The following SEMA6D variants were observed in gnomAD, a reference collection of about 807,000 sequenced individuals.
SEMA6D encodes semaphorin 6D, also known as semaphorin-6D.
Under a neutral mutation model 106.6 loss-of-function variants are expected in SEMA6D, and 35 were observed. The ratio of observed to expected loss-of-function variants is 0.33; its 90% CI spans 0.25 to 0.44. The LOEUF (loss-of-function observed/expected upper bound fraction) is 0.44, where lower values mean the gene tolerates loss of function less well. Among genes scored for constraint, SEMA6D ranks in the 20% least tolerant of loss-of-function variants. SEMA6D has a pLI of 1.00. For synonymous variants in SEMA6D, 499 were observed against 487.7 expected (o/e 1.02, Z -0.31); for missense variants, 1,185 against 1,345.9 (o/e 0.88, Z 1.87).
At chr15:47,209,129 A>G (rs1273565185) in intron 1 of SEMA6D, among the ~76,000 whole-genome samples, 1 of 152,218 alleles carries the variant, frequency 6.6e-6, no homozygotes, top group African/African-American at 2.4e-5. Flanking sequence ...TCAACTATAT[A>G]TAGTATAGTT....
At chr15:47,405,118 C>G (rs757605650) in intron 1 of SEMA6D, among the ~76,000 whole-genome samples, 1 of 152,058 alleles carries the variant, frequency 6.6e-6, no homozygotes, top group African/African-American at 2.4e-5. Flanking sequence ...TCAGGAGATG[C>G]GCCATGTAGC....
intron 3 of SEMA6D, among the ~76,000 whole-genome samples, chr15:47,558,027 T>C (rs569731748): frequency 4.1e-4 from 62 of 152,198 alleles, no homozygotes; most frequent in African/African-American, 1.5e-3. Context: ...ATCAAAACCG[T>C]GTAAAGCAAT....
chr15:47,485,818 C>T (rs1036371663), intron 3 of SEMA6D, among the ~76,000 whole-genome samples: 5 of 152,148 alleles, frequency 3.3e-5, no homozygotes, highest in African/African-American at 9.7e-5. Context: ...TTTGTGAGCA[C>T]TTTCATTAGC....
chr15:47,191,058 C>A (rs1369535482), intron 1 of SEMA6D, among the ~76,000 whole-genome samples: 1 of 151,994 alleles, frequency 6.6e-6, no homozygotes, highest in Non-Finnish European at 1.5e-5. Context: ...CTGTACTCCC[C>A]ACAAGTGGAG....
chr15:47,683,623 A>G lies in SEMA6D; in HGVS notation c.-54-76122A>G, dbSNP rs200270562. Reference sequence around the variant, plus strand: ...ATATATCTTGTCTGCATTTTTTTAGAAAAAAAATCAACCTTGCACATTTTA... The same window carrying G: ...ATATATCTTGTCTGCATTTTTTTAGGAAAAAAATCAACCTTGCACATTTTA... On this transcript the variant is annotated intron_variant, in intron 4 of 19. Coordinates refer to the SEMA6D transcript ENST00000558014. 2.9e-4 allele frequency among the ~76,000 whole-genome samples: 44 copies of G among 152,096 alleles called. No homozygotes were observed. In the South Asian group the frequency reaches 5.8e-3, roughly 20 times the overall value.
chr15:47,203,574 G>C (rs2141107512), intron 1 of SEMA6D, among the ~76,000 whole-genome samples: 1 of 152,184 alleles, frequency 6.6e-6, no homozygotes, highest in Non-Finnish European at 1.5e-5. Context: ...TCCCTATGAA[G>C]AGGTCATTTA....
At chr15:47,646,283 T>C (rs1033216749) in intron 4 of SEMA6D, among the ~76,000 whole-genome samples, 1 of 152,196 alleles carries the variant, frequency 6.6e-6, no homozygotes, top group Admixed American at 6.5e-5. Context: ...TCAACGGTTT[T>C]AGAAGCCGTA....
intron 1 of SEMA6D, among the ~76,000 whole-genome samples, chr15:47,411,170 A>C (rs2040783035): frequency 6.6e-6 from 1 of 152,056 alleles, no homozygotes; most frequent in African/African-American, 2.4e-5. Flanking sequence ...GTCTCGGCTC[A>C]CTGCAACCTC....
At chr15:47,283,514 T>A (rs1286333838) in intron 1 of SEMA6D, among the ~76,000 whole-genome samples, 1 of 152,202 alleles carries the variant, frequency 6.6e-6, no homozygotes, top group Non-Finnish European at 1.5e-5. Context: ...ACTCTCATTT[T>A]CTTTTCCTAC....
At chr15:47,534,439 T>C (rs2045086039) in intron 3 of SEMA6D, among the ~76,000 whole-genome samples, 1 of 152,070 alleles carries the variant, frequency 6.6e-6, no homozygotes, top group African/African-American at 2.4e-5. Flanking sequence ...CACCGCAGCC[T>C]CCCAGAGTGC....
intron 1 of SEMA6D, among the ~76,000 whole-genome samples, chr15:47,744,051 G>A (rs1261144323): frequency 6.6e-6 from 1 of 152,132 alleles, no homozygotes; most frequent in Non-Finnish European, 1.5e-5. Context: ...TACTAATTCA[G>A]CAAATATTTA....
chr15:47,388,366 T>C (rs910997772), intron 1 of SEMA6D, among the ~76,000 whole-genome samples: 11 of 152,114 alleles, frequency 7.2e-5, no homozygotes, highest in African/African-American at 2.7e-4. Context: ...AGTCCAAAAA[T>C]ATGAAATGGA....
At chr15:47,303,946 C>T (rs1213117284) in intron 1 of SEMA6D, among the ~76,000 whole-genome samples, 2 of 152,154 alleles carry the variant, frequency 1.3e-5, no homozygotes, top group African/African-American at 4.8e-5. Flanking sequence ...CTGCCTCTCA[C>T]CCCTTCATCA....
At chr15:47,403,784 G>A (rs1356423760) in intron 1 of SEMA6D, among the ~76,000 whole-genome samples, 1 of 152,122 alleles carries the variant, frequency 6.6e-6, no homozygotes, top group African/African-American at 2.4e-5. Flanking sequence ...GGCCGGTGTG[G>A]GAGATGGGGC....
At chr15:47,439,143 T>G (rs1013813324) in intron 2 of SEMA6D, among the ~76,000 whole-genome samples, 3 of 152,160 alleles carry the variant, frequency 2.0e-5, no homozygotes, top group Non-Finnish European at 2.9e-5. Flanking sequence ...CCTTGTATTC[T>G]TCACATATTA....
intron 1 of SEMA6D, among the ~76,000 whole-genome samples, chr15:47,333,969 GC>G (rs2144202635): frequency 6.6e-6 from 1 of 152,292 alleles, no homozygotes; most frequent in South Asian, 2.1e-4. Flanking sequence ...AGATATTTCT[GC>G]TGCATACTCT....
chr15:47,224,758 T>TTAAC (rs984233969), intron 1 of SEMA6D, among the ~76,000 whole-genome samples: 48 of 152,168 alleles, frequency 3.2e-4, no homozygotes, highest in African/African-American at 1.1e-3. Flanking sequence ...CTGGAACCTG[T>TTAAC]TAACATCCAC....
At position 47,767,210 on chromosome 15, in the gene SEMA6D, A is replaced by C. The variant is rs1335316462; in HGVS notation, c.1765+117A>C. On this transcript the variant is annotated intron_variant, in intron 17 of 18. Coordinates refer to ENST00000536845, the MANE Select transcript of SEMA6D (RefSeq NM_001358351.3). ...GGCAGCCCTTCATTTTTCCGCTTTG[A>C]CTCATATTCCCACTGATGGTACCAA... 7 of 634,526 alleles carry C rather than the reference A, an allele frequency of 1.1e-5. No homozygotes were observed. In the African/African-American group the frequency reaches 1.3e-4, roughly 12 times the overall value. 39.3% of individuals were successfully genotyped at this position (634,526 alleles called of 1,614,324 possible). A position where few individuals can be genotyped will look rare whatever the true frequency, so the allele number is the denominator to read the frequency against.
intron 2 of SEMA6D, among the ~76,000 whole-genome samples, chr15:47,457,843 G>A (rs778604794): frequency 3.3e-5 from 5 of 151,664 alleles, no homozygotes; most frequent in Non-Finnish European, 7.4e-5. Flanking sequence ...ACACCAAAAT[G>A]TATTGTCATC....
Sources: allele counts gnomAD v4.1 joint callset (sites outside exome capture counted in the v4.1 genomes callset), GRCh38; gene constraint gnomAD v4.1.1; transcripts MANE v1.5; gene names NCBI Gene and HGNC (gene_info 2026-07-23, HGNC 2026-07-21).